Variants in ATAD1 observed in about 807,000 individuals in gnomAD.
ATAD1 encodes outer mitochondrial transmembrane helix translocase.
In ATAD1, 18 loss-of-function variants were observed where a neutral mutation model predicts 42.7. That is an observed-to-expected ratio of 0.42 (90% CI 0.29 to 0.63). ATAD1 has a LOEUF of 0.63. Among genes scored for constraint, ATAD1 ranks in the 20% least tolerant of loss-of-function variants. ATAD1 has a pLI of 0.19. For synonymous variants in ATAD1, 132 were observed against 143.1 expected (o/e 0.92, Z 0.55); for missense variants, 294 against 440.4 (o/e 0.67, Z 2.98).
intron 1 of ATAD1, among the ~76,000 whole-genome samples, chr10:87,840,486 G>C (rs1337058960): frequency 6.6e-6 from 1 of 151,784 alleles, no homozygotes; most frequent in African/African-American, 2.4e-5. Context: ...CCCTATCTCT[G>C]AAAAAGAAAA....
At chr10:87,759,619 A>T (rs10509411) in intron 8 of ATAD1, 1 of 337,478 alleles carries the variant, frequency 3.0e-6, no homozygotes, top group Non-Finnish European at 5.9e-6. Context: ...AGTTAGAAAG[A>T]TGAACCAACC....
intron 2 of ATAD1, among the ~76,000 whole-genome samples, chr10:87,800,345 A>G (rs1012032733): frequency 6.6e-6 from 1 of 151,938 alleles, no homozygotes; most frequent in African/African-American, 2.4e-5. Flanking sequence ...TCTCCTTTTA[A>G]AGGGTGTGAA....
At chr10:87,764,233 G>A (rs781665557) in intron 8 of ATAD1, among the ~76,000 whole-genome samples, 7 of 151,970 alleles carry the variant, frequency 4.6e-5, no homozygotes, top group African/African-American at 7.2e-5. Context: ...ACCGATGCAC[G>A]TGGATCACTT....
At chr10:87,810,134 T>C (rs1857114403) in intron 2 of ATAD1, among the ~76,000 whole-genome samples, 1 of 152,178 alleles carries the variant, frequency 6.6e-6, no homozygotes, top group African/African-American at 2.4e-5. Context: ...ATTATTTCCA[T>C]TCATTTCATT....
chr10:87,760,211 C>G (rs970109702), intron 8 of ATAD1, among the ~76,000 whole-genome samples: 1 of 152,128 alleles, frequency 6.6e-6, no homozygotes. Flanking sequence ...GTGTCCCCAC[C>G]GAAGTCTCAT....
rs1052910991 is a variant in ATAD1, at chr10:87,818,213, C to T, written c.-60G>A. ...GCAAGTGCCCTCAGCCGGCCTCACACAGGAAGGAAACGCAACCTGGGAGAG... is the reference window on the plus strand; with the variant it reads ...GCAAGTGCCCTCAGCCGGCCTCACATAGGAAGGAAACGCAACCTGGGAGAG... On this transcript the variant is annotated 5_prime_UTR_variant, in exon 1 of 10. In the 5' UTR this introduces an upstream ATG that the reference lacks. Coordinates refer to ENST00000680024, the MANE Select transcript of ATAD1 (RefSeq NM_001321967.2). The T allele has an allele frequency of 4.1e-6, 4 of 985,468 alleles. No homozygotes were observed. The African/African-American group carries it at 7.0e-5, about 17-fold the overall frequency. The allele number at this position is 985,468 out of a possible 1,614,324, so 61.0% of individuals were successfully genotyped here.
At chr10:87,805,699 G>A (rs1330630595) in intron 2 of ATAD1, among the ~76,000 whole-genome samples, 2 of 151,224 alleles carry the variant, frequency 1.3e-5, no homozygotes, top group East Asian at 1.9e-4. Flanking sequence ...ATTCTTCTGG[G>A]ACCTTCCTCC....
chr10:87,780,732 T>C (rs1855523794), intron 5 of ATAD1, among the ~76,000 whole-genome samples: 1 of 152,328 alleles, frequency 6.6e-6, no homozygotes, highest in African/African-American at 2.4e-5. Flanking sequence ...GTTGTGTTTG[T>C]ATACACAGCA....
intron 2 of ATAD1, among the ~76,000 whole-genome samples, chr10:87,809,167 C>A (rs1164362413): frequency 6.6e-6 from 1 of 152,090 alleles, no homozygotes; most frequent in South Asian, 2.1e-4. Flanking sequence ...AATTTATCGA[C>A]GTAACAGTTG....
rs1047023231 is a variant in ATAD1 at position 87,784,509 on chromosome 10, T to C, written c.544A>G (p.Ile182Val). The C allele has an allele frequency of 2.5e-6, 4 of 1,613,634 alleles. No homozygotes were observed. The highest frequency in any genetic ancestry group is 1.7e-5 in the Admixed American group (1 of 59,982). The change falls in exon 5 of 10, where the codon ATA (isoleucine) becomes GTA (valine). Residue 182 changes from isoleucine to valine, a missense_variant. Around this residue, in one of 3 missense-constraint regions of ATAD1, gnomAD observed 31 missense variants for 78.6 expected, o/e 0.39. Coordinates refer to ENST00000680024, the MANE Select transcript of ATAD1 (RefSeq NM_001321967.2). Reference protein sequence around the residue: ...KLAAAVFSLAIKLQPSIIFID... With the variant: ...KLAAAVFSLAVKLQPSIIFID... ...AAGATGATGGATGGTTGTAGCTTTA[T>C]GGCAAGGGAGAAGACAGCAGCAGCC... is the stretch of plus-strand genomic sequence containing the variant.
rs1855715251 is a variant in ATAD1 at position 87,784,323 on chromosome 10, C to T, written c.583+147G>A. The T allele has an allele frequency of 7.0e-6, 5 of 710,858 alleles. No homozygotes were observed. In the South Asian group the frequency reaches 7.5e-5, roughly 11 times the overall value. The allele number at this position is 710,858 out of a possible 1,614,324, so 44.0% of individuals were successfully genotyped here. A position where few individuals can be genotyped will look rare whatever the true frequency, so the allele number is the denominator to read the frequency against. On this transcript the variant is annotated intron_variant, in intron 5 of 9. Coordinates refer to ENST00000680024, the MANE Select transcript of ATAD1 (RefSeq NM_001321967.2). Reference sequence around the variant, plus strand: ...ATATAGTCTATGGTTCATTCTACAACACAGAAATTATACATAGCATATTAT... The same window carrying T: ...ATATAGTCTATGGTTCATTCTACAATACAGAAATTATACATAGCATATTAT...
At chr10:87,793,368 A>G (rs1283285885) in intron 2 of ATAD1, among the ~76,000 whole-genome samples, 1 of 152,230 alleles carries the variant, frequency 6.6e-6, no homozygotes, top group Non-Finnish European at 1.5e-5. Flanking sequence ...GAGTTCTAGC[A>G]ATACAACAAA....
chr10:87,801,109 T>A (rs1381919395), intron 2 of ATAD1, among the ~76,000 whole-genome samples: 2 of 152,208 alleles, frequency 1.3e-5, no homozygotes, highest in African/African-American at 4.8e-5. Context: ...TTGGAGACTG[T>A]TTATAAACTT....
intron 5 of ATAD1, among the ~76,000 whole-genome samples, chr10:87,778,911 TAAAAC>T (rs1855441666): frequency 6.6e-6 from 1 of 152,118 alleles, no homozygotes; most frequent in African/African-American, 2.4e-5. Context: ...CACAAAACTA[TAAAAC>T]TTCTAGGAAA....
chr10:87,772,440 A>C (rs1855091365), intron 6 of ATAD1, among the ~76,000 whole-genome samples: 1 of 152,116 alleles, frequency 6.6e-6, no homozygotes, highest in South Asian at 2.1e-4. Flanking sequence ...CAACTCAATA[A>C]AATTAATAAA....
At chr10:87,814,730 A>G (rs1451870248) in intron 1 of ATAD1, 118 bp from the exon 2 acceptor site, 4 of 728,716 alleles carry the variant, frequency 5.5e-6, no homozygotes, top group African/African-American at 1.8e-5. Flanking sequence ...TTAAAATATT[A>G]CCTACCTTAA....
chr10:87,756,364 T>TAAA (rs1854222835), intron 9 of ATAD1, among the ~76,000 whole-genome samples: 1 of 152,218 alleles, frequency 6.6e-6, no homozygotes, highest in Admixed American at 6.5e-5. Context: ...ATAAGGCTGT[T>TAAA]AAAAAAATTG....
chr10:87,811,770 C>T (rs1483405096), intron 2 of ATAD1, among the ~76,000 whole-genome samples: 2 of 152,074 alleles, frequency 1.3e-5, no homozygotes, highest in Non-Finnish European at 2.9e-5. Flanking sequence ...GGAAATATAC[C>T]TCTGGATTGA....
At chr10:87,811,636 T>C (rs1385315449) in intron 2 of ATAD1, among the ~76,000 whole-genome samples, 4 of 152,198 alleles carry the variant, frequency 2.6e-5, no homozygotes, top group African/African-American at 4.8e-5. Context: ...TAAATCTTGA[T>C]GGTGGTGAGG....
Sources: gnomAD v4.1 joint callset for allele counts (sites outside exome capture counted in the v4.1 genomes callset) on GRCh38, gnomAD v4.1.1 for gene constraint, gnomAD v4.1.1 regional missense constraint, MANE v1.5 for transcripts, NCBI Gene and HGNC (gene_info 2026-07-23, HGNC 2026-07-21) for gene names.